Variants in SLC2A13 observed in about 807,000 individuals in gnomAD.
SLC2A13 encodes the protein proton myo-inositol cotransporter.
SLC2A13 carries 32 observed loss-of-function variants against 64.4 expected under a neutral mutation model. The observed-to-expected ratio is 0.50, with a 90% CI of 0.37 to 0.67. SLC2A13 has a LOEUF of 0.67. Ranked by LOEUF, SLC2A13 falls within the 30% of genes least tolerant of loss-of-function variation. The pLI is 0.00. For synonymous variants in SLC2A13, 338 were observed against 327.1 expected (o/e 1.03, Z -0.36); for missense variants, 743 against 829.2 (o/e 0.90, Z 1.28).
chr12:40,105,626 G>T lies in SLC2A13; in HGVS notation c.183C>A (p.Val61=), dbSNP rs571430072. The T allele has an allele frequency of 6.7e-7, 1 of 1,491,970 alleles. No individual in the cohort carries two copies. The highest frequency in any genetic ancestry group is 2.8e-5 in the East Asian group (1 of 35,792). 92.4% of individuals were successfully genotyped at this position (1,491,970 alleles called of 1,614,324 possible). A position where few individuals can be genotyped will look rare whatever the true frequency, so the allele number is the denominator to read the frequency against. ...GCCGCGCCGCGCGCTCCAGGTCCCCGACGCCGCCGCCGCCCGCGCCCGCGC... is the reference window on the plus strand; with the variant it reads ...GCCGCGCCGCGCGCTCCAGGTCCCCTACGCCGCCGCCGCCCGCGCCCGCGC... The part of the protein sequence containing the change: ...LQSAGAGGGG[V]GDLERAARRQ... The change falls in exon 1 of 10, where the codon GTC becomes GTA. Residue 61 remains valine (V), a synonymous_variant. Coordinates refer to ENST00000280871, the MANE Select transcript of SLC2A13 (RefSeq NM_052885.4). This position sits in a 1 kb window ranked among gnomAD's most constrained non-coding sequence, Gnocchi z 4.2.
chr12:40,017,363 T>G (rs959788046), intron 3 of SLC2A13, among the ~76,000 whole-genome samples: 15 of 152,176 alleles, frequency 9.9e-5, no homozygotes, highest in Admixed American at 3.3e-4. Context: ...CATATTCCAA[T>G]ATAAGATTAC....
chr12:39,799,754 C>T (rs775040261), intron 7 of SLC2A13, among the ~76,000 whole-genome samples: 21 of 152,154 alleles, frequency 1.4e-4, no homozygotes, highest in Non-Finnish European at 2.4e-4. Flanking sequence ...TATACAAGAA[C>T]GTGTTTTGAG....
intron 4 of SLC2A13, chr12:39,908,154 T>C (rs995057087): frequency 1.3e-5 from 2 of 152,022 alleles, no homozygotes; most frequent in African/African-American, 4.8e-5. Context: ...AGCTGCATGA[T>C]AGTGATGTAG....
At chr12:39,982,716 T>A (rs61931488) in intron 3 of SLC2A13, among the ~76,000 whole-genome samples, 1 of 145,570 alleles carries the variant, frequency 6.9e-6, no homozygotes, top group South Asian at 2.3e-4. Context: ...TGCTCATGGG[T>A]AGGAAGAATC....
rs146214269 is a variant in SLC2A13 at position 39,759,999 on chromosome 12, A to G, written c.*27T>C. 1.5e-5 allele frequency: 24 copies of G among 1,578,870 alleles called. No individual in the cohort carries two copies. The East Asian group carries it at 5.4e-4, about 35-fold the overall frequency. On this transcript the variant is annotated 3_prime_UTR_variant, in exon 10 of 10. Coordinates refer to ENST00000280871, the MANE Select transcript of SLC2A13 (RefSeq NM_052885.4). ...GTTCTTCTCCCCCCAGTTTGTTTAA[A>G]TAACTAAATATATGAGCAGCTGAAA...
intron 1 of SLC2A13, among the ~76,000 whole-genome samples, chr12:40,080,989 G>A (rs913938330): frequency 2.0e-5 from 3 of 152,144 alleles, no homozygotes; most frequent in African/African-American, 7.2e-5. Flanking sequence ...GGAATTCTTG[G>A]TTGAAATTTC....
chr12:39,956,908 C>T (rs1036852018), intron 3 of SLC2A13, among the ~76,000 whole-genome samples: 1 of 152,082 alleles, frequency 6.6e-6, no homozygotes, highest in African/African-American at 2.4e-5. Context: ...AAGCAGGGGC[C>T]TCACTGGGAG....
intron 1 of SLC2A13, among the ~76,000 whole-genome samples, chr12:40,083,691 C>T (rs957519628): frequency 6.6e-6 from 1 of 152,198 alleles, no homozygotes; most frequent in African/African-American, 2.4e-5. Context: ...GAGGGGGTTT[C>T]TGTTGGGCTT....
At chr12:39,773,489 C>T (rs1221316272) in intron 7 of SLC2A13, among the ~76,000 whole-genome samples, 1 of 152,188 alleles carries the variant, frequency 6.6e-6, no homozygotes, top group African/African-American at 2.4e-5. Context: ...ACCCACCAAA[C>T]CTAGTTCATA....
intron 3 of SLC2A13, among the ~76,000 whole-genome samples, chr12:39,974,254 C>A (rs1481120621): frequency 6.6e-6 from 1 of 152,214 alleles, no homozygotes; most frequent in African/African-American, 2.4e-5. Flanking sequence ...AGTCAAGAAT[C>A]GTAAACCAAA....
At chr12:39,878,863 G>A (rs1944266544) in intron 4 of SLC2A13, among the ~76,000 whole-genome samples, 1 of 152,224 alleles carries the variant, frequency 6.6e-6, no homozygotes, top group Non-Finnish European at 1.5e-5. Context: ...AGTCTTGAAG[G>A]AATTTCAGAG....
intron 7 of SLC2A13, among the ~76,000 whole-genome samples, chr12:39,818,825 T>C (rs1037074655): frequency 6.6e-6 from 1 of 152,154 alleles, no homozygotes; most frequent in Non-Finnish European, 1.5e-5. Context: ...ATATAAAATA[T>C]TGTTATAAGT....
At chr12:39,788,917 G>A (rs1191183378) in intron 7 of SLC2A13, among the ~76,000 whole-genome samples, 2 of 152,080 alleles carry the variant, frequency 1.3e-5, no homozygotes, top group African/African-American at 4.8e-5. Context: ...CCTCCTTAGA[G>A]TTCTTTTCTA....
At chr12:39,995,726 C>T (rs1468547843) in intron 3 of SLC2A13, among the ~76,000 whole-genome samples, 2 of 152,118 alleles carry the variant, frequency 1.3e-5, no homozygotes, top group Non-Finnish European at 2.9e-5. Flanking sequence ...GTGGGAGGGA[C>T]CTGGTGAGAG....
chr12:39,973,298 C>T (rs901148366), intron 3 of SLC2A13, among the ~76,000 whole-genome samples: 1 of 152,174 alleles, frequency 6.6e-6, no homozygotes, highest in African/African-American at 2.4e-5. Context: ...GAAACACTCC[C>T]TTCACTGGCT....
chr12:39,966,244 G>A (rs1565565887), intron 3 of SLC2A13, among the ~76,000 whole-genome samples: 1 of 151,798 alleles, frequency 6.6e-6, no homozygotes, highest in Non-Finnish European at 1.5e-5. Context: ...TAGTTACAAT[G>A]ATCATCATTA....
At chr12:39,986,211 G>A (rs975489726) in intron 3 of SLC2A13, among the ~76,000 whole-genome samples, 4 of 152,036 alleles carry the variant, frequency 2.6e-5, no homozygotes, top group Admixed American at 1.3e-4. Flanking sequence ...TGGGGTCATC[G>A]GGAGATGGGG....
At chr12:40,049,251 T>G (rs1948215510) in intron 1 of SLC2A13, among the ~76,000 whole-genome samples, 1 of 152,130 alleles carries the variant, frequency 6.6e-6, no homozygotes, top group African/African-American at 2.4e-5. Context: ...TTAATGTTTA[T>G]ATCTCTAGAT....
intron 3 of SLC2A13, among the ~76,000 whole-genome samples, chr12:40,009,372 T>C (rs912501898): frequency 6.6e-6 from 1 of 152,222 alleles, no homozygotes; most frequent in Non-Finnish European, 1.5e-5. Context: ...AACTGTTAGA[T>C]AATATCTATA....
Sources: allele counts gnomAD v4.1 joint callset (sites outside exome capture counted in the v4.1 genomes callset), GRCh38; gene constraint gnomAD v4.1.1; non-coding constraint Gnocchi (gnomAD v3.1); transcripts MANE v1.5; gene names NCBI Gene and HGNC (gene_info 2026-07-23, HGNC 2026-07-21).